The following KANSL1 variants were observed in gnomAD, a reference collection of about 807,000 sequenced individuals.
The protein encoded by KANSL1 is KAT8 regulatory NSL complex subunit 1.
In KANSL1, 22 loss-of-function variants were observed where a neutral mutation model predicts 103.6. The observed-to-expected ratio is 0.21, with a 90% confidence interval of 0.15 to 0.30. The LOEUF is 0.30. Among genes scored for constraint, KANSL1 ranks in the 10% least tolerant of loss-of-function variants. The probability of loss-of-function intolerance (pLI) is 1.00; values close to 1 mark genes in which losing one functional copy is unlikely to be tolerated. For missense variants in KANSL1, 1,337 were observed against 1,399.8 expected (o/e 0.96, Z 0.72); for synonymous variants, 600 against 527.6 (o/e 1.14, Z -1.88).
intron 10 of KANSL1, 42 bp downstream of exon 10, chr17:46,038,496 C>T: frequency 6.2e-7 from 1 of 1,604,926 alleles, no homozygotes; most frequent in South Asian, 1.1e-5. Context: ...TGAGCTGTGA[C>T]CTGCAGAGGG....
chr17:46,056,460 G>A (rs1195493085), intron 6 of KANSL1, among the ~76,000 whole-genome samples: 1 of 152,130 alleles, frequency 6.6e-6, no homozygotes, highest in Non-Finnish European at 1.5e-5. Flanking sequence ...CTTAAGACAA[G>A]TTACTGTGTC....
At chr17:46,108,874 C>G (rs183147199) in intron 2 of KANSL1, among the ~76,000 whole-genome samples, 253 of 152,330 alleles carry the variant, frequency 1.7e-3, no homozygotes, top group Non-Finnish European at 2.7e-3. Flanking sequence ...ATAGTCCACA[C>G]TCTTAGTCCA....
chr17:46,125,244 C>G (rs1037100836), intron 2 of KANSL1, among the ~76,000 whole-genome samples: 1 of 152,152 alleles, frequency 6.6e-6, no homozygotes, highest in African/African-American at 2.4e-5. Context: ...CATGAAGGCT[C>G]AGGTGATCGC....
intron 2 of KANSL1, among the ~76,000 whole-genome samples, chr17:46,144,773 AATG>A (rs1462782943): frequency 4.0e-5 from 6 of 150,670 alleles, no homozygotes; most frequent in African/African-American, 1.5e-4. Context: ...CTCACAAACA[AATG>A]ATGATGACAC....
intron 6 of KANSL1, among the ~76,000 whole-genome samples, chr17:46,052,033 A>G (rs953302014): frequency 9.9e-5 from 11 of 110,560 alleles, no homozygotes; most frequent in East Asian, 2.0e-4. Context: ...TTGTTTTGGG[A>G]AAAAAAAAAT....
chr17:46,140,447 G>A (rs2044363421), intron 2 of KANSL1, among the ~76,000 whole-genome samples: 1 of 151,886 alleles, frequency 6.6e-6, no homozygotes, highest in Non-Finnish European at 1.5e-5. Flanking sequence ...TGAAACTCCT[G>A]GAAAAAAGCA....
At chr17:46,191,319 A>G (rs539946617) in intron 1 of KANSL1, among the ~76,000 whole-genome samples, 2 of 152,378 alleles carry the variant, frequency 1.3e-5, no homozygotes, top group East Asian at 3.9e-4. Context: ...ATAGGTTAAA[A>G]AAATAGTTTT....
chr17:46,056,106 T>TCCTG (rs1477592225), intron 6 of KANSL1, among the ~76,000 whole-genome samples: 1 of 152,192 alleles, frequency 6.6e-6, no homozygotes. Flanking sequence ...CAAGTGATTC[T>TCCTG]CCTGCCTTAG....
chr17:46,211,263 C>A (rs1351048853), intron 1 of KANSL1, among the ~76,000 whole-genome samples: 1 of 146,738 alleles, frequency 6.8e-6, no homozygotes, highest in Non-Finnish European at 1.5e-5. Context: ...GAGGGAGGAC[C>A]AAATCCTATT....
chr17:46,146,832 C>CAAAAAA (rs1023164178), intron 2 of KANSL1, among the ~76,000 whole-genome samples: 9 of 37,294 alleles, frequency 2.4e-4, no homozygotes, highest in South Asian at 7.5e-4. Flanking sequence ...GACTCCGTCT[C>CAAAAAA]AAAAAAAAAA....
Position 46,058,743 on chromosome 17 carries a change from ACTCTCT to A in KANSL1, c.1848+7788_1848+7793del, listed in dbSNP as rs756932556. ...CACACACACACACACACACACACAC[ACTCTCT>A]CTCTCTCTCTCTCTCTCTCTCTCTC... On this transcript the variant is annotated intron_variant, in intron 6 of 14. Coordinates refer to ENST00000432791, the MANE Select transcript of KANSL1 (RefSeq NM_015443.4). Among the ~76,000 whole-genome samples the A allele has an allele frequency of 9.8e-3, 666 of 67,878 alleles. 4 individuals are homozygous for A. Among genetic ancestry groups the A allele is most frequent in the Middle Eastern group, 0.03 (5 of 168 alleles). The allele number at this position is 67,878 out of a possible 152,430, so 44.5% of individuals were successfully genotyped here.
At chr17:46,105,936 CACACA>C (rs1567680727) in intron 2 of KANSL1, among the ~76,000 whole-genome samples, 6 of 77,750 alleles carry the variant, frequency 7.7e-5, no homozygotes, top group African/African-American at 2.4e-4. Context: ...CACACACACA[CACACA>C]CACACACCCC....
intron 6 of KANSL1, among the ~76,000 whole-genome samples, chr17:46,062,355 CTTTTTTTTTTT>C (rs34577730): frequency 5.2e-5 from 5 of 95,470 alleles, no homozygotes; most frequent in East Asian, 3.5e-4. Context: ...ATAACAACAG[CTTTTTTTTTTT>C]TTTTTTTTTT....
At chr17:46,153,075 T>C (rs147609183) in intron 2 of KANSL1, 136 of 152,384 alleles carry the variant, frequency 8.9e-4, no homozygotes, top group African/African-American at 3.0e-3. Context: ...GCCATGCTCC[T>C]AGCTATGAAG....
At chr17:46,088,495 C>G (rs527940251) in intron 3 of KANSL1, 89 of 152,352 alleles carry the variant, frequency 5.8e-4, no homozygotes, top group African/African-American at 2.0e-3. Context: ...AACTCCTTCC[C>G]TATTCAAAAG....
intron 2 of KANSL1, among the ~76,000 whole-genome samples, chr17:46,129,111 T>C (rs1404540028): frequency 6.6e-6 from 1 of 152,226 alleles, no homozygotes; most frequent in Non-Finnish European, 1.5e-5. Context: ...TATTCATCTC[T>C]GCATCCCCTC....
At chr17:46,063,520 G>A (rs1411074153) in intron 6 of KANSL1, among the ~76,000 whole-genome samples, 4 of 152,204 alleles carry the variant, frequency 2.6e-5, no homozygotes, top group South Asian at 2.1e-4. Context: ...AACTCTGGAA[G>A]AACTCCAGCT....
intron 2 of KANSL1, among the ~76,000 whole-genome samples, chr17:46,131,421 A>AT: frequency 6.6e-6 from 1 of 152,360 alleles, no homozygotes; most frequent in East Asian, 1.9e-4. Flanking sequence ...ATAAAATTAC[A>AT]TTTGTCATAC....
intron 1 of KANSL1, among the ~76,000 whole-genome samples, chr17:46,189,649 C>A (rs1236860363): frequency 2.0e-5 from 3 of 152,070 alleles, no homozygotes; most frequent in African/African-American, 7.3e-5. Flanking sequence ...TCTGGGAGGC[C>A]GAGGCAGGTG....
Sources: gnomAD v4.1 joint callset for allele counts (sites outside exome capture counted in the v4.1 genomes callset) on GRCh38, gnomAD v4.1.1 for gene constraint, MANE v1.5 for transcripts, NCBI Gene and HGNC (gene_info 2026-07-23, HGNC 2026-07-21) for gene names.